MAP7D2: variants seen among roughly 807,000 people sequenced by gnomAD.
The protein encoded by MAP7D2 is MAP7 domain containing 2.
A neutral mutation model predicts 63.5 loss-of-function variants in MAP7D2; 33 were observed. That is an observed-to-expected ratio of 0.52 (90% CI 0.39 to 0.70). The LOEUF (loss-of-function observed/expected upper bound fraction) is 0.70, where lower values mean the gene tolerates loss of function less well. Ranked by LOEUF, MAP7D2 falls within the 30% of genes least tolerant of loss-of-function variation. MAP7D2 has a pLI of 0.00. For synonymous variants in MAP7D2, 224 were observed against 223.7 expected (o/e 1.00, Z -0.01); for missense variants, 626 against 604.0 (o/e 1.04, Z -0.38).
chrX:20,081,939 C>G (rs922005349), intron 1 of MAP7D2, among the ~76,000 whole-genome samples: 1 of 111,715 alleles, frequency 9.0e-6, no homozygotes, highest in South Asian at 3.7e-4. Flanking sequence ...CATAACCCAC[C>G]GCGCCCGGCC....
At chrX:20,031,621 G>A (rs907174767) in intron 8 of MAP7D2, among the ~76,000 whole-genome samples, 4 of 110,316 alleles carry the variant, frequency 3.6e-5, no homozygotes, top group Non-Finnish European at 7.6e-5. Context: ...ACAAAAATTA[G>A]CCAGGTATGG....
At chrX:20,049,928 A>C in intron 6 of MAP7D2, 1 of 293,134 alleles carries the variant, frequency 3.4e-6, no homozygotes, top group Non-Finnish European at 6.5e-6. Flanking sequence ...GCATTTCCCT[A>C]ATGATTAATG....
chrX:20,049,885 GT>G (rs775804092), intron 6 of MAP7D2: 8 of 315,523 alleles, frequency 2.5e-5, no homozygotes, highest in Admixed American at 1.3e-4. Context: ...ATCCTAGTGG[GT>G]GTAAAGTGGC....
intron 10 of MAP7D2, among the ~76,000 whole-genome samples, chrX:20,022,069 G>C (rs2148166730): frequency 8.9e-6 from 1 of 112,008 alleles, no homozygotes; most frequent in South Asian, 3.8e-4. Flanking sequence ...GCTCAGTATG[G>C]GTGAAGAGTG....
At chrX:20,088,209 C>G (rs2065964469) in intron 1 of MAP7D2, among the ~76,000 whole-genome samples, 2 of 109,186 alleles carry the variant, frequency 1.8e-5, no homozygotes, top group South Asian at 7.8e-4. Context: ...CTGTTCACAT[C>G]TGCACATTTT....
intron 1 of MAP7D2, among the ~76,000 whole-genome samples, chrX:20,105,275 G>A (rs973129923): frequency 1.8e-5 from 2 of 111,526 alleles, no homozygotes; most frequent in Non-Finnish European, 3.8e-5. Flanking sequence ...TGAAAAGGAC[G>A]TTAATCCCAT....
intron 7 of MAP7D2, 66 bp downstream of exon 7, chrX:20,044,298 A>C: frequency 9.2e-7 from 1 of 1,081,381 alleles, no homozygotes; most frequent in Non-Finnish European, 1.3e-6. Context: ...TCAAGCACAG[A>C]AGTAATCACA....
chrX:20,094,909 C>T (rs1246458197), intron 1 of MAP7D2, among the ~76,000 whole-genome samples: 2 of 108,360 alleles, frequency 1.8e-5, no homozygotes, highest in African/African-American at 6.7e-5. Flanking sequence ...TTCCTTGCAC[C>T]CAAGCCACTT....
intron 10 of MAP7D2, among the ~76,000 whole-genome samples, chrX:20,018,533 C>G (rs2073505539): frequency 9.5e-6 from 1 of 105,635 alleles, no homozygotes; most frequent in Non-Finnish European, 1.9e-5. Flanking sequence ...ACCTCTGCCT[C>G]CTGGGTTCAA....
intron 6 of MAP7D2, among the ~76,000 whole-genome samples, chrX:20,049,456 G>C (rs1446257401): frequency 9.2e-6 from 1 of 109,157 alleles, no homozygotes; most frequent in Non-Finnish European, 1.9e-5. Flanking sequence ...ATTTTTAGTA[G>C]AGATGGGGTT....
At chrX:20,013,709 T>C (rs1447152014) in intron 12 of MAP7D2, 84 bp from the exon 13 acceptor site, 2 of 643,548 alleles carry the variant, frequency 3.1e-6, no homozygotes, top group Non-Finnish European at 4.7e-6. Flanking sequence ...ACATGCAATG[T>C]CACATTTCTC....
chrX:20,039,349 A>C (rs944369973), intron 8 of MAP7D2, among the ~76,000 whole-genome samples: 1 of 112,289 alleles, frequency 8.9e-6, no homozygotes, highest in Non-Finnish European at 1.9e-5. Flanking sequence ...ATCATGTGAC[A>C]TAAGATTTAT....
chrX:20,116,902 C>T lies in MAP7D2; in HGVS notation c.-23G>A, dbSNP rs2066912553. On this transcript the variant is annotated 5_prime_UTR_variant, in exon 1 of 17. Coordinates refer to ENST00000379643, the MANE Select transcript of MAP7D2 (RefSeq NM_001168465.2). ...CATCGGGATGCGCCGGCCGCACAGG[C>T]GCACTGCCAAGCCCGCCGCGCCGCA... is the stretch of plus-strand genomic sequence containing the variant. 1 of 1,073,407 alleles carries T rather than the reference C, an allele frequency of 9.3e-7. No individual in the cohort carries two copies. The highest frequency in any genetic ancestry group is 1.2e-6 in the Non-Finnish European group (1 of 829,219). The allele number at this position is 1,073,407 out of a possible 1,213,427, so 88.5% of individuals were successfully genotyped here. A position where few individuals can be genotyped will look rare whatever the true frequency, so the allele number is the denominator to read the frequency against.
At chrX:20,087,293 T>C (rs2065933244) in intron 1 of MAP7D2, among the ~76,000 whole-genome samples, 1 of 112,244 alleles carries the variant, frequency 8.9e-6, no homozygotes, top group Non-Finnish European at 1.9e-5. Flanking sequence ...TTTGGTGCTA[T>C]GCTCGTGGTA....
At chrX:20,066,730 T>C (rs1436726329) in intron 1 of MAP7D2, among the ~76,000 whole-genome samples, 2 of 111,381 alleles carry the variant, frequency 1.8e-5, no homozygotes, top group Admixed American at 1.9e-4. Context: ...TCCATCTGTT[T>C]AAACCCTGCC....
chrX:20,051,651 G>A (rs376660209), intron 5 of MAP7D2, among the ~76,000 whole-genome samples: 3 of 111,520 alleles, frequency 2.7e-5, no homozygotes, highest in African/African-American at 6.5e-5. Flanking sequence ...TAGGTCCTGC[G>A]CTAAGAAGCA....
intron 12 of MAP7D2, 30 bp downstream of exon 12, chrX:20,015,192 AC>A (rs2073343113): frequency 9.3e-7 from 1 of 1,077,245 alleles, no homozygotes; most frequent in Non-Finnish European, 1.3e-6. Context: ...CTGTTCACTT[AC>A]CCTAGGTCTT....
chrX:20,024,842 A>T, intron 10 of MAP7D2, 109 bp downstream of exon 10: 1 of 875,315 alleles, frequency 1.1e-6, no homozygotes, highest in Non-Finnish European at 1.6e-6. Context: ...AGGTTCCCAT[A>T]CTTCTGTTCA....
In MAP7D2 at chrX:20,088,468, G is replaced by GTTTTTTTTTTTT. The variant is rs779366726; in HGVS notation, c.131-23675_131-23664dup. Among the ~76,000 whole-genome samples the GTTTTTTTTTTTT allele has an allele frequency of 2.2e-4, 9 of 41,072 alleles. 2 individuals are homozygous for GTTTTTTTTTTTT. The highest frequency in any genetic ancestry group is 3.8e-4 in the Non-Finnish European group (7 of 18,426). The allele number at this position is 41,072 out of a possible 115,157, so 35.7% of individuals were successfully genotyped here. A position where few individuals can be genotyped will look rare whatever the true frequency, so the allele number is the denominator to read the frequency against. On this transcript the variant is annotated intron_variant, in intron 1 of 16. Coordinates refer to ENST00000379643, the MANE Select transcript of MAP7D2 (RefSeq NM_001168465.2). ...CCCCACCACACCCAGCTAATTTTCA[G>GTTTTTTTTTTTT]TTTTTTTTTTTTTTTTTTTTTTTTT...
Sources: gnomAD v4.1 joint callset for allele counts (sites outside exome capture counted in the v4.1 genomes callset) on GRCh38, gnomAD v4.1.1 for gene constraint, MANE v1.5 for transcripts, NCBI Gene and HGNC (gene_info 2026-07-23, HGNC 2026-07-21) for gene names.